Variants in LRRC4C observed in about 807,000 individuals in gnomAD.
LRRC4C encodes the protein leucine rich repeat containing 4C, also known as leucine-rich repeat-containing protein 4C.
In LRRC4C, 5 loss-of-function variants were observed where a neutral mutation model predicts 33.6. That is an observed-to-expected ratio of 0.15 (90% CI 0.08 to 0.31). The LOEUF (loss-of-function observed/expected upper bound fraction) is 0.31. LRRC4C is among the 10% of genes least tolerant of loss of function. LRRC4C has a pLI of 1.00. For missense variants in LRRC4C, 560 were observed against 796.7 expected (o/e 0.70, Z 3.58); for synonymous variants, 329 against 302.0 (o/e 1.09, Z -0.93).
At chr11:40,253,709 C>T (rs1366626451) in intron 4 of LRRC4C, among the ~76,000 whole-genome samples, 2 of 152,242 alleles carry the variant, frequency 1.3e-5, no homozygotes, top group Admixed American at 6.5e-5. Flanking sequence ...TACAGATTAC[C>T]TTGGATCCAA....
chr11:41,196,348 T>A (rs1235403699), intron 1 of LRRC4C, among the ~76,000 whole-genome samples: 2 of 152,046 alleles, frequency 1.3e-5, no homozygotes, highest in East Asian at 3.9e-4. Flanking sequence ...ATTTTCTAGA[T>A]GAGGAACAGG....
intron 4 of LRRC4C, among the ~76,000 whole-genome samples, chr11:40,262,122 A>G (rs944524523): frequency 2.6e-5 from 4 of 152,242 alleles, no homozygotes; most frequent in Non-Finnish European, 5.9e-5. Context: ...AAGAACTTAA[A>G]CAAATTTACA....
intron 3 of LRRC4C, among the ~76,000 whole-genome samples, chr11:40,439,695 A>G (rs541280075): frequency 1.7e-4 from 26 of 151,944 alleles, no homozygotes; most frequent in South Asian, 6.2e-4. Context: ...ATCATGATCC[A>G]CCTGTCTTGG....
chr11:40,510,325 T>C (rs963709766), intron 3 of LRRC4C, among the ~76,000 whole-genome samples: 1 of 151,670 alleles, frequency 6.6e-6, no homozygotes. Context: ...AGAAGTAATG[T>C]GTATGAGATG....
At chr11:40,890,301 G>A (rs1251509402) in intron 2 of LRRC4C, among the ~76,000 whole-genome samples, 1 of 152,144 alleles carries the variant, frequency 6.6e-6, no homozygotes, top group Non-Finnish European at 1.5e-5. Context: ...CCTGGTCAGG[G>A]CTTTCTTGCT....
At chr11:40,482,607 C>A (rs1953638422) in intron 3 of LRRC4C, among the ~76,000 whole-genome samples, 1 of 151,970 alleles carries the variant, frequency 6.6e-6, no homozygotes, top group Admixed American at 6.6e-5. Flanking sequence ...GTAGCTGGGA[C>A]TACAGGCATG....
intron 3 of LRRC4C, among the ~76,000 whole-genome samples, chr11:40,486,947 C>A (rs539161850): frequency 6.6e-6 from 1 of 151,986 alleles, no homozygotes; most frequent in Non-Finnish European, 1.5e-5. Flanking sequence ...CTCTTTCAAT[C>A]TTTTTTGTAT....
chr11:41,439,822 C>A (rs1290729938), intron 1 of LRRC4C, among the ~76,000 whole-genome samples: 1 of 152,024 alleles, frequency 6.6e-6, no homozygotes, highest in Non-Finnish European at 1.5e-5. Flanking sequence ...GTTTTGATGG[C>A]TTTGATGGGT....
intron 5 of LRRC4C, among the ~76,000 whole-genome samples, chr11:40,185,380 G>A (rs1197920476): frequency 3.3e-5 from 5 of 152,144 alleles, no homozygotes; most frequent in Admixed American, 3.3e-4. Flanking sequence ...CTTGATTCAA[G>A]AGCCCAAGAA....
Position 40,115,289 on chromosome 11 carries a change from T to C in LRRC4C, c.1004A>G (p.Asn335Ser), listed in dbSNP as rs1855343673. 6 of 1,614,074 alleles carry C rather than the reference T, an allele frequency of 3.7e-6. No individual in the cohort carries two copies. Among genetic ancestry groups the C allele is most frequent in the Non-Finnish European group, 5.1e-6 (6 of 1,179,990 alleles). Reference protein sequence around the residue: ...ACCARCNTPPNLKGRYIGELD... With the variant: ...ACCARCNTPPSLKGRYIGELD... Reference sequence around the variant, plus strand: ...CTCTCCAATGTACCTCCCCTTTAGATTGGGAGGAGTGTTACACCGGGCACA... The same window carrying C: ...CTCTCCAATGTACCTCCCCTTTAGACTGGGAGGAGTGTTACACCGGGCACA... Residue 335 changes from asparagine to serine, a missense_variant, in exon 7 of 7, where the codon AAT becomes AGT. Asn to Ser is a conservative substitution (Grantham distance 46, BLOSUM62 1). Coordinates refer to ENST00000528697, the MANE Select transcript of LRRC4C (RefSeq NM_001258419.2). This position sits in a 1 kb window ranked among gnomAD's most constrained non-coding sequence, Gnocchi z 6.7.
At chr11:40,770,113 T>A (rs1949683847) in intron 2 of LRRC4C, among the ~76,000 whole-genome samples, 1 of 152,138 alleles carries the variant, frequency 6.6e-6, no homozygotes, top group Non-Finnish European at 1.5e-5. Flanking sequence ...TCAACATTAG[T>A]CTGTTCTCAT....
chr11:40,873,150 G>C (rs1386468357), intron 2 of LRRC4C, among the ~76,000 whole-genome samples: 1 of 152,028 alleles, frequency 6.6e-6, no homozygotes. Context: ...GAGTATCCTT[G>C]GGCAAATTGC....
At chr11:40,461,057 AG>A (rs1430526575) in intron 3 of LRRC4C, among the ~76,000 whole-genome samples, 6 of 152,194 alleles carry the variant, frequency 3.9e-5, no homozygotes, top group Admixed American at 1.3e-4. Flanking sequence ...CCAAGCCTAA[AG>A]TTTAAACAGA....
rs577977382 is a variant in LRRC4C, at chr11:40,949,410, A to T, written c.-495-15687T>A. On this transcript the variant is annotated intron_variant, in intron 1 of 6. Coordinates refer to ENST00000528697, the MANE Select transcript of LRRC4C (RefSeq NM_001258419.2). ...TGTCAGAGCAACTCCAAGACACATA[A>T]TTGTCAGATTCACCAAAGTTGAAAT... Among the ~76,000 whole-genome samples, 5 of 152,176 alleles carry T rather than the reference A, an allele frequency of 3.3e-5. No individual in the cohort carries two copies. The South Asian group carries it at 1.0e-3, about 32-fold the overall frequency.
At chr11:41,247,142 G>T (rs1948479754) in intron 1 of LRRC4C, among the ~76,000 whole-genome samples, 1 of 152,218 alleles carries the variant, frequency 6.6e-6, no homozygotes. Flanking sequence ...GTGAATCTGT[G>T]TTATAAGTGT....
At chr11:40,164,712 G>A (rs1859443195) in intron 5 of LRRC4C, among the ~76,000 whole-genome samples, 1 of 152,052 alleles carries the variant, frequency 6.6e-6, no homozygotes, top group Non-Finnish European at 1.5e-5. Flanking sequence ...AGGGGGTCGG[G>A]GACGATTCTA....
chr11:41,382,524 T>C (rs1953194821), intron 1 of LRRC4C, among the ~76,000 whole-genome samples: 1 of 152,084 alleles, frequency 6.6e-6, no homozygotes, highest in Non-Finnish European at 1.5e-5. Context: ...TGGAAAATAA[T>C]AGGTTTTCAA....
intron 1 of LRRC4C, among the ~76,000 whole-genome samples, chr11:41,377,269 A>G (rs1952971278): frequency 1.3e-5 from 2 of 152,192 alleles, no homozygotes; most frequent in Non-Finnish European, 1.5e-5. Flanking sequence ...TAAGACCCAT[A>G]GTTAAATTGA....
chr11:41,280,332 C>T (rs778725246), intron 1 of LRRC4C, among the ~76,000 whole-genome samples: 1 of 150,460 alleles, frequency 6.6e-6, no homozygotes, highest in South Asian at 2.1e-4. Flanking sequence ...AGAAGAGTTT[C>T]CTAGATGGGT....
Sources: allele counts gnomAD v4.1 joint callset (sites outside exome capture counted in the v4.1 genomes callset), GRCh38; gene constraint gnomAD v4.1.1; non-coding constraint Gnocchi (gnomAD v3.1); transcripts MANE v1.5; gene names NCBI Gene and HGNC (gene_info 2026-07-23, HGNC 2026-07-21).